SPINK4: variants seen among roughly 807,000 people sequenced by gnomAD.
The protein encoded by SPINK4 is serine peptidase inhibitor Kazal type 4.
A neutral mutation model predicts 12.3 loss-of-function variants in SPINK4; 10 were observed. That is an observed-to-expected ratio of 0.81 (90% CI 0.50 to 1.37). The LOEUF (loss-of-function observed/expected upper bound fraction) is 1.37, where lower values mean the gene tolerates loss of function less well. Among genes scored for constraint, SPINK4 ranks in the 40% most tolerant of loss-of-function variants. The probability of loss-of-function intolerance (pLI) is 0.00; values close to 1 mark genes in which losing one functional copy is unlikely to be tolerated. For synonymous variants in SPINK4, 37 were observed against 40.2 expected (o/e 0.92, Z 0.30); for missense variants, 91 against 109.0 (o/e 0.84, Z 0.73).
chr9:33,247,796 G>C (rs1294401277), intron 3 of SPINK4: 2 of 152,734 alleles, frequency 1.3e-5, no homozygotes, highest in Non-Finnish European at 2.9e-5. Flanking sequence ...TGGAAGTGAA[G>C]AAAGTCCTCG....
chr9:33,242,675 A>C, intron 1 of SPINK4, among the ~76,000 whole-genome samples: 1 of 152,198 alleles, frequency 6.6e-6, no homozygotes, highest in East Asian at 1.9e-4. Context: ...TTTCCCTAAC[A>C]GTTAAATATC....
In SPINK4 at chr9:33,246,698, C is replaced by T. The variant is rs149166930; in HGVS notation, c.185C>T (p.Thr62Met). 2.2e-4 allele frequency: 359 copies of T among 1,613,990 alleles called. 1 individual carries two copies. Among genetic ancestry groups the T allele is most frequent in the Non-Finnish European group, 2.8e-4 (328 of 1,179,996 alleles). The change falls in exon 3 of 4, where the codon ACG becomes ATG. Residue 62 changes from threonine to methionine, a missense_variant. Thr to Met is a moderately conservative substitution (Grantham distance 81, BLOSUM62 -1). Coordinates refer to ENST00000379721, the MANE Select transcript of SPINK4 (RefSeq NM_014471.3). ...LVCGTDGLTY[T>M]NECQLCLARI... ...TGCGGCACTGATGGGCTCACATATA[C>T]GAATGAATGCCAGCTCTGCTTGGCC...
Position 33,240,266 on chromosome 9 carries a change from A to G in SPINK4, c.58A>G (p.Arg20Gly), listed in dbSNP as rs754624435. Reference protein sequence around the residue: ...LALAALLVVDREVPVAAGKLP... With the variant: ...LALAALLVVDGEVPVAAGKLP... ...CTTGGCTGCCCTCCTTGTTGTGGACAGGGGTGAGTGGGCAGAACCTGGATT... is the reference window on the plus strand; with the variant it reads ...CTTGGCTGCCCTCCTTGTTGTGGACGGGGGTGAGTGGGCAGAACCTGGATT... Residue 20 changes from arginine (R) to glycine (G), a missense_variant, in exon 1 of 4, where the codon AGG becomes GGG. Physicochemically the swap from Arg to Gly is moderately radical, Grantham distance 125. Coordinates refer to ENST00000379721, the MANE Select transcript of SPINK4 (RefSeq NM_014471.3). 1 of 1,601,890 alleles carries G rather than the reference A, an allele frequency of 6.2e-7. No individual in the cohort carries two copies. Among genetic ancestry groups the G allele is most frequent in the South Asian group, 1.1e-5 (1 of 88,954 alleles).
At chr9:33,246,778 T>C (rs1384647801) in intron 3 of SPINK4, 50 bp downstream of exon 3, 4 of 1,535,518 alleles carry the variant, frequency 2.6e-6, no homozygotes, top group East Asian at 4.5e-5. Context: ...CCATCTCTGG[T>C]GCACAGTCTG....
chr9:33,241,250 G>T (rs1397871470), intron 1 of SPINK4, among the ~76,000 whole-genome samples: 4 of 152,146 alleles, frequency 2.6e-5, no homozygotes, highest in Admixed American at 2.6e-4. Flanking sequence ...TAGGAGAGGA[G>T]ATGAGAGAGG....
At chr9:33,247,924 G>T in intron 3 of SPINK4, 1 of 158,252 alleles carries the variant, frequency 6.3e-6, no homozygotes, top group Non-Finnish European at 1.4e-5. Context: ...TGGTTAGGAG[G>T]TACATTGGGA....
At chr9:33,244,960 G>A in intron 1 of SPINK4, 152 bp from the exon 2 acceptor site, 2 of 644,494 alleles carry the variant, frequency 3.1e-6, no homozygotes, top group Non-Finnish European at 5.3e-6. Context: ...CTTTCTGGCA[G>A]CCCCATTGTC....
chr9:33,245,230 C>A, intron 2 of SPINK4, 78 bp downstream of exon 2: 1 of 1,478,110 alleles, frequency 6.8e-7, no homozygotes, highest in Non-Finnish European at 9.3e-7. Flanking sequence ...ACCAGTTATT[C>A]TTCTCCACGA....
At chr9:33,248,386 C>A (rs1820306785) in intron 3 of SPINK4, 40 bp from the exon 4 acceptor site, 4 of 1,611,628 alleles carry the variant, frequency 2.5e-6, no homozygotes, top group Non-Finnish European at 2.5e-6. Flanking sequence ...CACTACAGCT[C>A]CTGAGAAGGT....
At chr9:33,247,670 T>A (rs914456647) in intron 3 of SPINK4, 2 of 152,024 alleles carry the variant, frequency 1.3e-5, no homozygotes, top group African/African-American at 2.4e-5. Flanking sequence ...AAGAAGTGAG[T>A]CCAGAAAGAT....
intron 1 of SPINK4, among the ~76,000 whole-genome samples, chr9:33,244,354 G>T (rs900463040): frequency 6.6e-6 from 1 of 152,144 alleles, no homozygotes; most frequent in Non-Finnish European, 1.5e-5. Context: ...TTCGTAGTTC[G>T]TTAAACTGAC....
chr9:33,240,334 G>A, intron 1 of SPINK4, 65 bp downstream of exon 1: 1 of 1,476,984 alleles, frequency 6.8e-7, no homozygotes, highest in East Asian at 2.6e-5. Context: ...GGTGAGAGCA[G>A]AAGCAGGGCC....
chr9:33,246,966 T>C (rs1317108525), intron 3 of SPINK4, among the ~76,000 whole-genome samples: 2 of 152,072 alleles, frequency 1.3e-5, no homozygotes, highest in African/African-American at 2.4e-5. Flanking sequence ...ATTTTCCTTG[T>C]TCTGCCTTGA....
intron 1 of SPINK4, among the ~76,000 whole-genome samples, chr9:33,241,745 G>A (rs978386705): frequency 6.6e-6 from 1 of 152,080 alleles, no homozygotes; most frequent in Admixed American, 6.5e-5. Context: ...TGAGGAGGGG[G>A]CATTTTGGGT....
At chr9:33,242,420 G>C (rs1820246353) in intron 1 of SPINK4, among the ~76,000 whole-genome samples, 1 of 148,630 alleles carries the variant, frequency 6.7e-6, no homozygotes, top group African/African-American at 2.6e-5. Flanking sequence ...GAGGAGAACG[G>C]AGACGAAGAC....
At position 33,240,373 on chromosome 9, in the gene SPINK4, T is replaced by G. The variant is rs571863472; in HGVS notation, c.61+104T>G. Reference sequence around the variant, plus strand: ...AGCACCCTGTGAGGCCTCAGCTTTTTCCATGTACCTTCATTCTGCATATGC... The same window carrying G: ...AGCACCCTGTGAGGCCTCAGCTTTTGCCATGTACCTTCATTCTGCATATGC... On this transcript the variant is annotated intron_variant, in intron 1 of 3. Transcript: ENST00000379721. The G allele has an allele frequency of 3.1e-5, 31 of 1,002,008 alleles. No homozygotes were observed. In the African/African-American group the frequency reaches 5.3e-4, roughly 17 times the overall value. 62.1% of individuals were successfully genotyped at this position (1,002,008 alleles called of 1,614,324 possible).
intron 2 of SPINK4, 27 bp from the exon 3 acceptor site, chr9:33,246,589 G>A: frequency 6.3e-7 from 1 of 1,597,566 alleles, no homozygotes; most frequent in Non-Finnish European, 8.6e-7. Context: ...GAATCCCTGA[G>A]TCCTCTCCCT....
chr9:33,245,921 C>G (rs1427434910), intron 2 of SPINK4, among the ~76,000 whole-genome samples: 1 of 152,194 alleles, frequency 6.6e-6, no homozygotes, highest in Non-Finnish European at 1.5e-5. Flanking sequence ...TACAGCTAAT[C>G]AGTGGCAAAA....
chr9:33,245,510 C>T (rs1014434846), intron 2 of SPINK4, among the ~76,000 whole-genome samples: 3 of 152,206 alleles, frequency 2.0e-5, no homozygotes, highest in Non-Finnish European at 4.4e-5. Context: ...AAAGAGGGGA[C>T]CCTGGCACAC....
Sources: allele counts gnomAD v4.1 joint callset (sites outside exome capture counted in the v4.1 genomes callset), GRCh38; gene constraint gnomAD v4.1.1; transcripts MANE v1.5; gene names NCBI Gene and HGNC (gene_info 2026-07-23, HGNC 2026-07-21).